The following AKAP6 variants were observed in gnomAD, a reference collection of about 807,000 sequenced individuals.
The protein encoded by AKAP6 is A-kinase anchor protein 6.
AKAP6 carries 58 observed loss-of-function variants against 188.5 expected under a neutral mutation model. That is an observed-to-expected ratio of 0.31 (90% CI 0.25 to 0.38). The LOEUF is 0.38. Ranked by LOEUF, AKAP6 falls within the 10% of genes least tolerant of loss-of-function variation. The pLI is 1.00. For missense variants in AKAP6, 2,710 were observed against 2,740.0 expected, an observed-to-expected ratio of 0.99 and a Z score of 0.24; for synonymous variants, 989 against 998.6, an observed-to-expected ratio of 0.99 and a Z score of 0.18.
At chr14:32,446,021 C>T (rs1007811266) in intron 2 of AKAP6, among the ~76,000 whole-genome samples, 2 of 152,098 alleles carry the variant, frequency 1.3e-5, no homozygotes, top group Non-Finnish European at 2.9e-5. Context: ...AAAGCCTCAC[C>T]TCAAAAGTTC....
At chr14:32,556,830 G>A (rs1566574172) in intron 4 of AKAP6, among the ~76,000 whole-genome samples, 3 of 151,996 alleles carry the variant, frequency 2.0e-5, no homozygotes, top group African/African-American at 4.8e-5. Flanking sequence ...TCACTGCCAA[G>A]CCCAACATCA....
chr14:32,384,460 G>A, intron 1 of AKAP6, among the ~76,000 whole-genome samples: 1 of 152,166 alleles, frequency 6.6e-6, no homozygotes, highest in East Asian at 1.9e-4. Flanking sequence ...GAGGAGAGAA[G>A]CAAAGGATAG....
chr14:32,367,343 T>A (rs1185736393), intron 1 of AKAP6, among the ~76,000 whole-genome samples: 2 of 152,220 alleles, frequency 1.3e-5, no homozygotes, highest in Non-Finnish European at 2.9e-5. Flanking sequence ...GTTAGAAGTG[T>A]GTGTGCTCAT....
At chr14:32,333,356 A>C (rs1261414654) in intron 1 of AKAP6, among the ~76,000 whole-genome samples, 1 of 152,172 alleles carries the variant, frequency 6.6e-6, no homozygotes, top group Non-Finnish European at 1.5e-5. Context: ...GATTCAATTC[A>C]ATTCAATAAA....
chr14:32,776,228 G>A (rs2033055931), intron 12 of AKAP6, among the ~76,000 whole-genome samples: 1 of 152,160 alleles, frequency 6.6e-6, no homozygotes, highest in Non-Finnish European at 1.5e-5. Context: ...CTCTTGAATT[G>A]TAGCTCCCAT....
intron 2 of AKAP6, among the ~76,000 whole-genome samples, chr14:32,529,208 G>T (rs551152078): frequency 1.6e-4 from 24 of 152,206 alleles, no homozygotes; most frequent in Non-Finnish European, 3.4e-4. Context: ...TTATACCTAA[G>T]ATTTCATTTG....
chr14:32,551,223 A>G (rs150998201), intron 4 of AKAP6, among the ~76,000 whole-genome samples: 286 of 152,242 alleles, frequency 1.9e-3, no homozygotes, highest in African/African-American at 6.6e-3. Flanking sequence ...CACCTGTTCC[A>G]AGTCTCAGCT....
chr14:32,732,914 T>G, intron 10 of AKAP6: 1 of 512,408 alleles, frequency 2.0e-6, no homozygotes, highest in East Asian at 3.1e-5. Flanking sequence ...TGATATATAC[T>G]GACTGTCATG....
chr14:32,790,793 G>A (rs530110847), intron 12 of AKAP6, among the ~76,000 whole-genome samples: 5 of 152,036 alleles, frequency 3.3e-5, no homozygotes, highest in South Asian at 2.1e-4. Flanking sequence ...GGCAGACCCC[G>A]ATATGTGATG....
intron 2 of AKAP6, among the ~76,000 whole-genome samples, chr14:32,517,239 AG>A (rs1881571639): frequency 1.3e-5 from 2 of 152,340 alleles, no homozygotes; most frequent in South Asian, 4.1e-4. Context: ...TAGTTGATAA[AG>A]GGAAGCATCT....
At chr14:32,517,573 A>G (rs766922680) in intron 2 of AKAP6, among the ~76,000 whole-genome samples, 1 of 152,168 alleles carries the variant, frequency 6.6e-6, no homozygotes, top group Non-Finnish European at 1.5e-5. Flanking sequence ...AGAGGGTCCT[A>G]TGCCCACGGA....
chr14:32,391,433 A>G (rs1888710739), intron 1 of AKAP6, among the ~76,000 whole-genome samples: 1 of 152,168 alleles, frequency 6.6e-6, no homozygotes, highest in Non-Finnish European at 1.5e-5. Flanking sequence ...GGCTCTAGTT[A>G]TCTCTGTTCC....
chr14:32,348,396 G>T (rs1301236544), intron 1 of AKAP6, among the ~76,000 whole-genome samples: 2 of 144,282 alleles, frequency 1.4e-5, no homozygotes, highest in Non-Finnish European at 3.0e-5. Context: ...TCTGAATGGG[G>T]TTCTTTCTTT....
chr14:32,331,458 T>C (rs566898232), intron 1 of AKAP6, among the ~76,000 whole-genome samples: 4 of 152,038 alleles, frequency 2.6e-5, no homozygotes, highest in South Asian at 2.1e-4. Context: ...CTGTAATTTT[T>C]CCCCCCGCAA....
At chr14:32,660,304 A>G (rs1335567834) in intron 7 of AKAP6, among the ~76,000 whole-genome samples, 1 of 152,142 alleles carries the variant, frequency 6.6e-6, no homozygotes, top group African/African-American at 2.4e-5. Flanking sequence ...CTTGAAGAGC[A>G]AAGTCACCAA....
At chr14:32,639,737 C>T (rs1358242500) in intron 7 of AKAP6, among the ~76,000 whole-genome samples, 3 of 152,028 alleles carry the variant, frequency 2.0e-5, no homozygotes, top group African/African-American at 7.2e-5. Context: ...CAAGTGTTCA[C>T]CAAGGAAGCA....
At chr14:32,605,332 T>C (rs1180184702) in intron 7 of AKAP6, among the ~76,000 whole-genome samples, 1 of 151,826 alleles carries the variant, frequency 6.6e-6, no homozygotes, top group Non-Finnish European at 1.5e-5. Flanking sequence ...TTTGCCAAGG[T>C]GAAAATAATG....
chr14:32,802,308 A>G (rs1420302050), intron 12 of AKAP6, among the ~76,000 whole-genome samples: 2 of 152,218 alleles, frequency 1.3e-5, no homozygotes, highest in African/African-American at 4.8e-5. Context: ...TACCACTGTG[A>G]CTATATAAAT....
intron 1 of AKAP6, among the ~76,000 whole-genome samples, chr14:32,375,038 A>T (rs1888117132): frequency 6.6e-6 from 1 of 152,222 alleles, no homozygotes; most frequent in Non-Finnish European, 1.5e-5. Context: ...AACCTATTTC[A>T]TAAATCTAAA....
Sources: gnomAD v4.1 joint callset for allele counts (sites outside exome capture counted in the v4.1 genomes callset) on GRCh38, gnomAD v4.1.1 for gene constraint, MANE v1.5 for transcripts, NCBI Gene and HGNC (gene_info 2026-07-23, HGNC 2026-07-21) for gene names.